HIVEP1: variants seen among roughly 807,000 people sequenced by gnomAD.
The protein encoded by HIVEP1 is zinc finger protein 40.
HIVEP1 carries 36 observed loss-of-function variants against 180.0 expected under a neutral mutation model. The observed-to-expected ratio is 0.20, with a 90% CI of 0.15 to 0.26. The LOEUF is 0.26. Among genes scored for constraint, HIVEP1 ranks in the 10% least tolerant of loss-of-function variants. HIVEP1 has a pLI of 1.00. For missense variants in HIVEP1, 3,143 were observed against 3,268.7 expected (o/e 0.96, Z 0.94); for synonymous variants, 1,239 against 1,239.0 (o/e 1.00, Z 0.00).
Position 12,159,614 on chromosome 6 carries a change from A to T in HIVEP1, c.6488-1825A>T, listed in dbSNP as rs141429772. ...CTATAAAAAATTTTTAAAATAGGCA[A>T]GGTAGAGAAGTAGCTGAGGTGCAGG... is the stretch of plus-strand genomic sequence containing the variant. On this transcript the variant is annotated intron_variant, in intron 7 of 8. Transcript: ENST00000379388. 8.5e-5 allele frequency among the ~76,000 whole-genome samples: 13 copies of T among 152,300 alleles called. No individual in the cohort carries two copies. In the East Asian group the frequency reaches 2.5e-3, roughly 29 times the overall value.
In HIVEP1 at chr6:12,121,293, G is replaced by A. The variant is rs776437287; in HGVS notation, c.1498G>A (p.Ala500Thr). 1.5e-5 allele frequency: 24 copies of A among 1,614,026 alleles called. No homozygotes were observed. Among genetic ancestry groups the A allele is most frequent in the African/African-American group, 6.7e-5 (5 of 74,914 alleles). ...CAGTGGGGAGAGCGAGGAGGAAGGCGCCACTGATGAGAGACAGCATGACCT... is the reference window on the plus strand; with the variant it reads ...CAGTGGGGAGAGCGAGGAGGAAGGCACCACTGATGAGAGACAGCATGACCT... ...EDSGESEEEG[A>T]TDERQHDLGA... The change falls in exon 4 of 9, where the codon GCC becomes ACC. Residue 500 changes from alanine (A) to threonine (T), a missense_variant. Coordinates refer to ENST00000379388, the MANE Select transcript of HIVEP1 (RefSeq NM_002114.4). This position sits in a 1 kb window ranked among gnomAD's most constrained non-coding sequence, Gnocchi z 5.3.
chr6:12,186,588 C>G, the HIVEP1 span, among the ~76,000 whole-genome samples: 9,263 of 147,150 alleles, frequency 0.063, 365 homozygotes, highest in Non-Finnish European at 0.08. Context: ...ACGGTAAATG[C>G]TACCTAATAA....
At chr6:12,082,634 A>C (rs1322555410) in intron 2 of HIVEP1, among the ~76,000 whole-genome samples, 2 of 152,272 alleles carry the variant, frequency 1.3e-5, no homozygotes, top group East Asian at 3.9e-4. Flanking sequence ...AGATTCATGT[A>C]TCCAAACTGC....
rs1561958453 is a variant in HIVEP1, at chr6:12,119,931, A to C, written c.136A>C (p.Lys46Gln). 1 of 1,593,834 alleles carries C rather than the reference A, an allele frequency of 6.3e-7. No individual in the cohort carries two copies. The highest frequency in any genetic ancestry group is 8.5e-7 in the Non-Finnish European group (1 of 1,174,180). ...TGTTAAAGGAACTTCGGAATCCCTTAAAGGTGTGAAACGCAAAAAGATCGT... is the reference window on the plus strand; with the variant it reads ...TGTTAAAGGAACTTCGGAATCCCTTCAAGGTGTGAAACGCAAAAAGATCGT... The part of the protein sequence containing the change: ...AGVKGTSESL[K>Q]GVKRKKIVAE... The change falls in exon 4 of 9, where the codon AAA becomes CAA. Residue 46 changes from lysine (K) to glutamine (Q), a missense_variant. By Grantham distance (53) the Lys-to-Gln change is moderately conservative. This residue lies in a region of HIVEP1 where 114 missense variants were observed against 134.5 expected (regional missense o/e 0.85). Coordinates refer to ENST00000379388, the MANE Select transcript of HIVEP1 (RefSeq NM_002114.4).
intron 7 of HIVEP1, among the ~76,000 whole-genome samples, chr6:12,151,237 TTGAG>T (rs1254388057): frequency 6.6e-6 from 1 of 152,198 alleles, no homozygotes; most frequent in Non-Finnish European, 1.5e-5. Flanking sequence ...TAAAATTTTA[TTGAG>T]TATTAGAAAC....
At chr6:12,085,148 T>C (rs999742189) in intron 2 of HIVEP1, among the ~76,000 whole-genome samples, 5 of 152,100 alleles carry the variant, frequency 3.3e-5, no homozygotes, top group Non-Finnish European at 7.4e-5. Flanking sequence ...ATTGCCATTA[T>C]TACTAACGAT....
At chr6:12,151,698 A>G (rs925075817) in intron 7 of HIVEP1, among the ~76,000 whole-genome samples, 4 of 152,160 alleles carry the variant, frequency 2.6e-5, no homozygotes, top group African/African-American at 9.7e-5. Flanking sequence ...CTGGATAGTA[A>G]ATATTTTAGG....
the HIVEP1 span, among the ~76,000 whole-genome samples, chr6:12,188,044 T>C: frequency 1.3e-5 from 2 of 152,292 alleles, no homozygotes; most frequent in East Asian, 1.9e-4. Context: ...GCCTAAAATC[T>C]TACATCTAGA....
At position 12,163,933 on chromosome 6, in the gene HIVEP1, T is replaced by C. The variant is rs752994709; in HGVS notation, c.7629T>C (p.Gly2543=). Residue 2543 remains glycine (G), a synonymous_variant, in exon 9 of 9, where the codon GGT becomes GGC. Coordinates refer to ENST00000379388, the MANE Select transcript of HIVEP1 (RefSeq NM_002114.4). ...SSPAPQAHIP[G]LQILNIALPT... Reference sequence around the variant, plus strand: ...CCGCCCCTCAGGCACACATTCCAGGTCTCCAGATCTTGAACATAGCATTGC... The same window carrying C: ...CCGCCCCTCAGGCACACATTCCAGGCCTCCAGATCTTGAACATAGCATTGC... 3.7e-6 allele frequency: 6 copies of C among 1,613,932 alleles called. No homozygotes were observed. Among genetic ancestry groups the C allele is most frequent in the Non-Finnish European group, 5.1e-6 (6 of 1,179,982 alleles).
At chr6:12,199,780 A>G in the HIVEP1 span, among the ~76,000 whole-genome samples, 131 of 152,338 alleles carry the variant, frequency 8.6e-4, no homozygotes, top group African/African-American at 2.9e-3. Flanking sequence ...CATAAAAGCT[A>G]TATGTTGTGC....
At position 12,132,067 on chromosome 6, in the gene HIVEP1, T is replaced by C. The variant is rs576068245; in HGVS notation, c.6385+1125T>C. 2.0e-5 allele frequency among the ~76,000 whole-genome samples: 3 copies of C among 152,282 alleles called. No homozygotes were observed. The East Asian group carries it at 5.8e-4, about 29-fold the overall frequency. On this transcript the variant is annotated intron_variant, in intron 6 of 8. Transcript: ENST00000379388. ...AAAAACAAAATATTCTTCATATGGC[T>C]TTGAATATTTCAAAAAAGTTTCAAG...
At chr6:12,168,099 ACG>A (rs1456166317), downstream of HIVEP1, among the ~76,000 whole-genome samples, 6 of 28,412 alleles carry the variant, frequency 2.1e-4, 1 homozygote, top group Non-Finnish European at 4.5e-4. Flanking sequence ...ATACACATAC[ACG>A]TATATATGTA....
At chr6:12,176,529 G>T in the HIVEP1 span, among the ~76,000 whole-genome samples, 1 of 152,080 alleles carries the variant, frequency 6.6e-6, no homozygotes, top group East Asian at 1.9e-4. Flanking sequence ...ACCGTGCCCG[G>T]CCAGTCTTGG....
At chr6:12,034,211 TG>T (rs1470283152) in intron 2 of HIVEP1, among the ~76,000 whole-genome samples, 3 of 152,250 alleles carry the variant, frequency 2.0e-5, no homozygotes, top group African/African-American at 7.2e-5. Context: ...GTATGCATTT[TG>T]GTCTGAATCT....
chr6:12,168,332 TAA>T, downstream of HIVEP1, among the ~76,000 whole-genome samples: 3 of 32,978 alleles, frequency 9.1e-5, no homozygotes, highest in Non-Finnish European at 1.4e-4. Context: ...ATATATTATA[TAA>T]TTATATATAC....
Position 12,164,485 on chromosome 6 carries a change from T to C in HIVEP1, c.*24T>C, listed in dbSNP as rs1382239758. On this transcript the variant is annotated 3_prime_UTR_variant, in exon 9 of 9. Transcript: ENST00000379388. ...GATGGATTTTATTTTTTATTTGCTT[T>C]TTTTTTATATAACACTTAAAGGTTT... 6.5e-7 allele frequency: 1 copy of C among 1,537,820 alleles called. No individual in the cohort carries two copies. The highest frequency in any genetic ancestry group is 8.8e-7 in the Non-Finnish European group (1 of 1,139,550).
At chr6:12,056,895 G>A (rs1479347833) in intron 2 of HIVEP1, among the ~76,000 whole-genome samples, 2 of 151,256 alleles carry the variant, frequency 1.3e-5, no homozygotes, top group Non-Finnish European at 2.9e-5. Context: ...GGAGTGCAGT[G>A]GCATGATCTT....
rs996353599 is a variant in HIVEP1 at position 12,120,575 on chromosome 6, C to G, written c.780C>G (p.Thr260=). The change falls in exon 4 of 9, where the codon ACC becomes ACG. Residue 260 remains threonine, a synonymous_variant. Transcript: ENST00000379388. ...TTGCTGAATCACAGTCTTCTTGTACCTCATACACAGTCCATATGTCTGCTG... is the reference window on the plus strand; with the variant it reads ...TTGCTGAATCACAGTCTTCTTGTACGTCATACACAGTCCATATGTCTGCTG... ...ELVAESQSSC[T]SYTVHMSAAQ... is the part of the protein sequence containing the mutation. The G allele has an allele frequency of 2.5e-6, 4 of 1,614,076 alleles. No homozygotes were observed. The highest frequency in any genetic ancestry group is 1.7e-5 in the Admixed American group (1 of 60,012).
At chr6:12,197,572 T>TAAAGA in the HIVEP1 span, among the ~76,000 whole-genome samples, 1 of 119,954 alleles carries the variant, frequency 8.3e-6, no homozygotes, top group African/African-American at 3.0e-5. Context: ...AAAAAAAAAG[T>TAAAGA]AAAGAAAAGA....
Sources: allele counts gnomAD v4.1 joint callset (sites outside exome capture counted in the v4.1 genomes callset), GRCh38; gene constraint gnomAD v4.1.1; regional missense constraint gnomAD v4.1.1; non-coding constraint Gnocchi (gnomAD v3.1); transcripts MANE v1.5; gene names NCBI Gene and HGNC (gene_info 2026-07-23, HGNC 2026-07-21).